USP33: variants seen among roughly 807,000 people sequenced by gnomAD.
USP33 encodes the protein ubiquitin carboxyl-terminal hydrolase 33.
USP33 carries 46 observed loss-of-function variants against 124.2 expected under a neutral mutation model. The ratio of observed to expected loss-of-function variants is 0.37; its 90% confidence interval spans 0.29 to 0.47. The LOEUF (loss-of-function observed/expected upper bound fraction) is 0.47. Among genes scored for constraint, USP33 ranks in the 20% least tolerant of loss-of-function variants. The pLI is 0.99. For missense variants in USP33, 851 were observed against 1,070.6 expected (o/e 0.79, Z 2.86); for synonymous variants, 350 against 352.3 (o/e 0.99, Z 0.07).
At chr1:77,726,596 T>A (rs2101435766) in intron 10 of USP33, among the ~76,000 whole-genome samples, 1 of 149,254 alleles carries the variant, frequency 6.7e-6, no homozygotes, top group South Asian at 2.1e-4. Flanking sequence ...TGGTGAGATG[T>A]GATCATGCCA....
chr1:77,742,867 A>T (rs1404675735), intron 1 of USP33, among the ~76,000 whole-genome samples: 1 of 151,808 alleles, frequency 6.6e-6, no homozygotes, highest in South Asian at 2.1e-4. Flanking sequence ...ACTATATAGA[A>T]CCCCTTTGTT....
intron 1 of USP33, among the ~76,000 whole-genome samples, chr1:77,747,012 T>G (rs1186519198): frequency 6.6e-6 from 1 of 152,206 alleles, no homozygotes; most frequent in Non-Finnish European, 1.5e-5. Context: ...ATTGCTTCTT[T>G]AAATCTTTTG....
At chr1:77,736,285 G>C (rs1463538586) in intron 5 of USP33, 127 bp from the exon 6 acceptor site, 6 of 541,106 alleles carry the variant, frequency 1.1e-5, no homozygotes, top group Non-Finnish European at 1.8e-5. Flanking sequence ...GGAACCATAA[G>C]AATTTGTGGT....
At chr1:77,701,672 TA>T (rs1674033395) in intron 21 of USP33, 1 of 432,008 alleles carries the variant, frequency 2.3e-6, no homozygotes, top group African/African-American at 2.1e-5. Flanking sequence ...TTTTTATTTT[TA>T]TTTATTTATT....
At chr1:77,734,744 G>A (rs2101508446) in intron 6 of USP33, among the ~76,000 whole-genome samples, 1 of 152,266 alleles carries the variant, frequency 6.6e-6, no homozygotes, top group African/African-American at 2.4e-5. Flanking sequence ...ATTATTTTGA[G>A]AAAATTAATG....
chr1:77,723,270 T>C lies in USP33; in HGVS notation c.1389+61A>G, dbSNP rs962684314. ...GAATTAAACTTTTCACATCATCTTGTCACATTTTTAAAAATCATTTGACAC... is the reference window on the plus strand; with the variant it reads ...GAATTAAACTTTTCACATCATCTTGCCACATTTTTAAAAATCATTTGACAC... On this transcript the variant is annotated intron_variant, in intron 12 of 23. Coordinates refer to ENST00000370794, the MANE Select transcript of USP33 (RefSeq NM_201624.3). 59 of 1,220,690 alleles carry C rather than the reference T, an allele frequency of 4.8e-5. No homozygotes were observed. In the African/African-American group the frequency reaches 6.6e-4, roughly 14 times the overall value. 75.6% of individuals were successfully genotyped at this position (1,220,690 alleles called of 1,614,324 possible).
chr1:77,734,232 C>A, intron 7 of USP33, 115 bp downstream of exon 7: 10 of 786,254 alleles, frequency 1.3e-5, no homozygotes, highest in Non-Finnish European at 1.8e-5. Flanking sequence ...TGTCCCAAAC[C>A]AGATTCTTGC....
At chr1:77,705,938 G>T (rs375880032) in intron 21 of USP33, among the ~76,000 whole-genome samples, 1 of 152,028 alleles carries the variant, frequency 6.6e-6, no homozygotes, top group South Asian at 2.1e-4. Flanking sequence ...TCTTACACTT[G>T]GCATAATGTT....
At chr1:77,738,674 G>A (rs952032663) in intron 5 of USP33, among the ~76,000 whole-genome samples, 2 of 152,054 alleles carry the variant, frequency 1.3e-5, no homozygotes, top group Admixed American at 6.5e-5. Context: ...TAGAGACGGG[G>A]TGTCACCATG....
chr1:77,726,664 G>C (rs1332967790), intron 10 of USP33, among the ~76,000 whole-genome samples: 2 of 138,696 alleles, frequency 1.4e-5, no homozygotes, highest in Non-Finnish European at 3.1e-5. Flanking sequence ...AAAAAAAAAA[G>C]ATATTCAGGA....
intron 8 of USP33, 68 bp from the exon 9 acceptor site, chr1:77,730,006 C>A: frequency 7.5e-7 from 1 of 1,333,520 alleles, no homozygotes; most frequent in Non-Finnish European, 1.1e-6. Flanking sequence ...AAATTAACTA[C>A]CAATAATTCA....
chr1:77,739,162 A>G, intron 5 of USP33, 103 bp downstream of exon 5: 1 of 1,346,656 alleles, frequency 7.4e-7, no homozygotes, highest in Non-Finnish European at 1.0e-6. Context: ...TTTTCAAAGT[A>G]CAGGTTAGGC....
chr1:77,724,158 A>G (rs1235645670), intron 11 of USP33, among the ~76,000 whole-genome samples: 1 of 152,130 alleles, frequency 6.6e-6, no homozygotes, highest in African/African-American at 2.4e-5. Flanking sequence ...TCATCAAGCT[A>G]AAGATGAAAT....
At chr1:77,737,099 T>C (rs762143960) in intron 5 of USP33, among the ~76,000 whole-genome samples, 1 of 148,726 alleles carries the variant, frequency 6.7e-6, no homozygotes, top group East Asian at 2.0e-4. Flanking sequence ...AGACGACAAA[T>C]AAAAATCAAA....
intron 21 of USP33, among the ~76,000 whole-genome samples, chr1:77,710,597 C>T (rs1447215477): frequency 6.6e-6 from 1 of 152,042 alleles, no homozygotes; most frequent in Non-Finnish European, 1.5e-5. Context: ...ATTTACTTTA[C>T]TTTAGGCAAG....
intron 21 of USP33, among the ~76,000 whole-genome samples, chr1:77,704,130 G>A (rs1379123440): frequency 6.7e-6 from 1 of 150,086 alleles, no homozygotes; most frequent in East Asian, 1.9e-4. Flanking sequence ...AAAAAAAAAA[G>A]TATATATGTG....
chr1:77,729,295 G>T (rs528315468), intron 9 of USP33, among the ~76,000 whole-genome samples: 1 of 150,182 alleles, frequency 6.7e-6, no homozygotes, highest in African/African-American at 2.5e-5. Flanking sequence ...CACTTCGGGA[G>T]ATCAAGGAGG....
intron 21 of USP33, among the ~76,000 whole-genome samples, chr1:77,708,199 C>T (rs1472449607): frequency 6.6e-6 from 1 of 152,184 alleles, no homozygotes; most frequent in African/African-American, 2.4e-5. Flanking sequence ...TATTCATATA[C>T]TCCCTTCTGT....
intron 1 of USP33, chr1:77,745,783 T>C (rs1679682210): frequency 6.6e-6 from 1 of 152,282 alleles, no homozygotes; most frequent in Non-Finnish European, 1.5e-5. Context: ...GAATGACTAC[T>C]GGGTAAATAA....
Sources: allele counts gnomAD v4.1 joint callset (sites outside exome capture counted in the v4.1 genomes callset), GRCh38; gene constraint gnomAD v4.1.1; transcripts MANE v1.5; gene names NCBI Gene and HGNC (gene_info 2026-07-23, HGNC 2026-07-21).